The following LHPP variants were observed in gnomAD, a reference collection of about 807,000 sequenced individuals.
The protein encoded by LHPP is hLHPP.
A neutral mutation model predicts 30.3 loss-of-function variants in LHPP; 24 were observed. The ratio of observed to expected loss-of-function variants is 0.79; its 90% CI spans 0.57 to 1.11. The LOEUF is 1.11. LHPP is among the 50% of genes most tolerant of loss of function. The probability of loss-of-function intolerance (pLI) is 0.00; values close to 1 mark genes in which losing one functional copy is unlikely to be tolerated. For synonymous variants in LHPP, 150 were observed against 157.1 expected, an observed-to-expected ratio of 0.95 and a Z score of 0.34; for missense variants, 356 against 367.2, an observed-to-expected ratio of 0.97 and a Z score of 0.25.
intron 6 of LHPP, chr10:124,526,384 A>T: frequency 8.0e-6 from 2 of 248,834 alleles, no homozygotes; most frequent in Non-Finnish European, 1.3e-5. Context: ...AGATTTGCAA[A>T]TGGAAGCTCA....
intron 6 of LHPP, among the ~76,000 whole-genome samples, chr10:124,559,831 G>A (rs999806132): frequency 6.6e-6 from 1 of 152,254 alleles, no homozygotes; most frequent in African/African-American, 2.4e-5. Flanking sequence ...TGTCTGGGGT[G>A]TGTGCCATTG....
chr10:124,508,681 A>G (rs1397572591), intron 5 of LHPP, among the ~76,000 whole-genome samples: 1 of 151,734 alleles, frequency 6.6e-6, no homozygotes, highest in Admixed American at 6.6e-5. Flanking sequence ...TCATTAAAGG[A>G]GCTAAGAAAA....
chr10:124,584,422 G>A (rs1459145215), intron 6 of LHPP, among the ~76,000 whole-genome samples: 2 of 152,024 alleles, frequency 1.3e-5, no homozygotes, highest in Admixed American at 6.6e-5. Context: ...TCTGGAGCTG[G>A]GAATTCCAAT....
intron 6 of LHPP, chr10:124,613,020 C>T (rs1177396679): frequency 1.8e-6 from 1 of 561,824 alleles, no homozygotes; most frequent in South Asian, 2.0e-5. Flanking sequence ...GCTGAGCAGG[C>T]TCCCCAGTGG....
intron 6 of LHPP, among the ~76,000 whole-genome samples, chr10:124,597,295 T>TTTACTCATGTAAAGAC (rs1326824709): frequency 6.6e-6 from 1 of 152,208 alleles, no homozygotes; most frequent in East Asian, 1.9e-4. Context: ...ACATGGATCC[T>TTTACTCATGTAAAGAC]ATGAGTCTTT....
intron 6 of LHPP, among the ~76,000 whole-genome samples, chr10:124,598,376 G>A (rs1948977165): frequency 6.6e-6 from 1 of 152,238 alleles, no homozygotes. Flanking sequence ...CAGGGTCTGG[G>A]AGTCAGCTGT....
intron 6 of LHPP, among the ~76,000 whole-genome samples, chr10:124,607,890 G>A (rs947708636): frequency 2.0e-5 from 3 of 152,214 alleles, no homozygotes; most frequent in Admixed American, 2.0e-4. Context: ...TGGGCTGGGT[G>A]CACACGTGGC....
chr10:124,525,797 T>C (rs1400721508), intron 6 of LHPP, among the ~76,000 whole-genome samples: 1 of 152,192 alleles, frequency 6.6e-6, no homozygotes, highest in Non-Finnish European at 1.5e-5. Context: ...CTGACCCTCA[T>C]TAGCATTCTT....
intron 6 of LHPP, chr10:124,526,177 G>A (rs1483844033): frequency 5.1e-6 from 5 of 985,274 alleles, no homozygotes; most frequent in African/African-American, 1.7e-5. Flanking sequence ...TGCAAGGCAC[G>A]TGCTCTGGAC....
intron 6 of LHPP, among the ~76,000 whole-genome samples, chr10:124,546,517 C>A (rs922183805): frequency 1.3e-5 from 2 of 152,214 alleles, no homozygotes; most frequent in African/African-American, 4.8e-5. Context: ...ATTCTCCTGC[C>A]TCACCCTCCC....
intron 5 of LHPP, among the ~76,000 whole-genome samples, chr10:124,515,831 A>C (rs1954437397): frequency 6.6e-6 from 1 of 152,202 alleles, no homozygotes; most frequent in African/African-American, 2.4e-5. Flanking sequence ...AGACACAGGC[A>C]CCGTTTTCCC....
rs1415300312 is a variant in LHPP at position 124,523,251 on chromosome 10, C to T, written c.716+5980C>T. Among the ~76,000 whole-genome samples the T allele has an allele frequency of 6.6e-6, 1 of 152,230 alleles. No homozygotes were observed. Among genetic ancestry groups the T allele is most frequent in the Admixed American group, 6.5e-5 (1 of 15,290 alleles). The stretch of plus-strand genomic sequence containing the variant: ...GGAAAGTTTCCTGGACCGTGATTCC[C>T]GACATCCTGCAAGGTCCCTTCTAGC... On this transcript the variant is annotated intron_variant, in intron 6 of 6. Coordinates refer to ENST00000368842, the MANE Select transcript of LHPP (RefSeq NM_022126.4). This position sits in a 1 kb window ranked among gnomAD's most constrained non-coding sequence, Gnocchi z 4.2.
intron 6 of LHPP, among the ~76,000 whole-genome samples, chr10:124,534,753 G>T (rs1385801592): frequency 6.6e-6 from 1 of 152,330 alleles, no homozygotes; most frequent in South Asian, 2.1e-4. Context: ...GCTGCGGCGA[G>T]GGGGGTGCTC....
intron 1 of LHPP, among the ~76,000 whole-genome samples, chr10:124,473,071 G>C (rs1952836411): frequency 6.6e-6 from 1 of 152,154 alleles, no homozygotes; most frequent in African/African-American, 2.4e-5. Flanking sequence ...GGGTCACCCT[G>C]TGAAAATCAA....
chr10:124,582,037 C>T (rs1395068717), intron 6 of LHPP, among the ~76,000 whole-genome samples: 1 of 152,002 alleles, frequency 6.6e-6, no homozygotes. Flanking sequence ...CCACCTTGGC[C>T]TCCCAAAGTG....
intron 1 of LHPP, among the ~76,000 whole-genome samples, chr10:124,477,738 G>A (rs1952996347): frequency 1.3e-5 from 2 of 152,250 alleles, no homozygotes; most frequent in Middle Eastern, 3.4e-3. Flanking sequence ...TGCCAGTCTC[G>A]GCCCCTGTGA....
intron 1 of LHPP, among the ~76,000 whole-genome samples, chr10:124,469,511 G>T (rs558179500): frequency 1.7e-4 from 17 of 100,716 alleles, no homozygotes; most frequent in African/African-American, 3.4e-4. Flanking sequence ...CCCCTGAGGT[G>T]GGGGGGGCTT....
chr10:124,495,645 C>T (rs1953681565), intron 3 of LHPP, among the ~76,000 whole-genome samples: 3 of 152,178 alleles, frequency 2.0e-5, no homozygotes, highest in Non-Finnish European at 4.4e-5. Flanking sequence ...TCAGTTCTCA[C>T]ACCCCAGGTG....
chr10:124,521,676 G>A (rs1239732924), intron 6 of LHPP, among the ~76,000 whole-genome samples: 1 of 152,168 alleles, frequency 6.6e-6, no homozygotes, highest in Non-Finnish European at 1.5e-5. Flanking sequence ...TTGAGGCCAG[G>A]GCAGCATGGG....
Sources: allele counts gnomAD v4.1 joint callset (sites outside exome capture counted in the v4.1 genomes callset), GRCh38; gene constraint gnomAD v4.1.1; non-coding constraint Gnocchi (gnomAD v3.1); transcripts MANE v1.5; gene names NCBI Gene and HGNC (gene_info 2026-07-23, HGNC 2026-07-21).